Variants in NKD2 observed in about 807,000 individuals in gnomAD.
NKD2 encodes the protein NKD inhibitor of Wnt signaling pathway 2.
A neutral mutation model predicts 34.8 loss-of-function variants in NKD2; 43 were observed. The ratio of observed to expected loss-of-function variants is 1.24; its 90% CI spans 0.97 to 1.60. The LOEUF (loss-of-function observed/expected upper bound fraction) is 1.60, where lower values mean the gene tolerates loss of function less well. NKD2 is among the 40% of genes most tolerant of loss of function. The pLI, the probability that NKD2 is intolerant of heterozygous loss-of-function variation, is 0.00. For missense variants in NKD2, 675 were observed against 627.1 expected, an observed-to-expected ratio of 1.08 and a Z score of -0.82; for synonymous variants, 278 against 265.1, an observed-to-expected ratio of 1.05 and a Z score of -0.47.
At chr5:1,033,950 C>T (rs1437699203) in intron 5 of NKD2, among the ~76,000 whole-genome samples, 1 of 152,238 alleles carries the variant, frequency 6.6e-6, no homozygotes, top group Admixed American at 6.5e-5. Flanking sequence ...TCCTCTTCTC[C>T]TTCTGGGTGA....
intron 3 of NKD2, among the ~76,000 whole-genome samples, chr5:1,018,571 AGG>A (rs1670241543): frequency 3.0e-5 from 4 of 131,966 alleles, no homozygotes; most frequent in African/African-American, 1.5e-4. Context: ...AGGGCGACTC[AGG>A]GGCTTGTGCT....
At position 1,036,322 on chromosome 5, in the gene NKD2, A is replaced by G; in HGVS notation, c.725A>G (p.Glu242Gly). Reference protein sequence around the residue: ...RGPYCVDENTERRNHYLDLAG... With the variant: ...RGPYCVDENTGRRNHYLDLAG... ...CCCTACTGCGTGGACGAGAACACGG[A>G]GCGCAGAAACCACTACCTGGACCTC... Residue 242 changes from glutamate (E) to glycine (G), a missense_variant, in exon 9 of 10, where the codon GAG (glutamate) becomes GGG (glycine). By Grantham distance (98) the Glu-to-Gly change is moderately conservative. Transcript: ENST00000296849. 6.2e-7 allele frequency: 1 copy of G among 1,612,886 alleles called. No individual in the cohort carries two copies. The highest frequency in any genetic ancestry group is 8.5e-7 in the Non-Finnish European group (1 of 1,179,840).
intron 7 of NKD2, 142 bp from the exon 8 acceptor site, chr5:1,035,243 TGAAC>T: frequency 2.8e-6 from 2 of 702,768 alleles, no homozygotes; most frequent in East Asian, 5.5e-5. Flanking sequence ...AATGAATGAG[TGAAC>T]AAGTGAGTGA....
intron 3 of NKD2, among the ~76,000 whole-genome samples, chr5:1,016,428 A>AGG (rs1054240803): frequency 1.6e-3 from 247 of 152,332 alleles, no homozygotes; most frequent in African/African-American, 4.9e-3. Flanking sequence ...TGGCAGCTGG[A>AGG]GGGGGAGGGT....
chr5:1,028,262 G>A (rs796566015), intron 3 of NKD2, among the ~76,000 whole-genome samples: 1 of 152,282 alleles, frequency 6.6e-6, no homozygotes, highest in Non-Finnish European at 1.5e-5. Flanking sequence ...AGACCAGGGT[G>A]GCCTTCCTGA....
chr5:1,036,796 A>G (rs745462280), intron 9 of NKD2: 35 of 461,974 alleles, frequency 7.6e-5, no homozygotes, highest in African/African-American at 6.4e-4. Flanking sequence ...GGCAGTGTGG[A>G]CAACAGGCAG....
intron 9 of NKD2, chr5:1,036,766 G>A (rs1480348719): frequency 4.0e-5 from 19 of 473,520 alleles, no homozygotes; most frequent in Admixed American, 2.8e-4. Context: ...AGAGGGGGTC[G>A]TCCAGTAGTG....
chr5:1,035,260 T>G (rs1560999459), intron 7 of NKD2, 129 bp from the exon 8 acceptor site: 1 of 758,630 alleles, frequency 1.3e-6, no homozygotes, highest in South Asian at 1.7e-5. Flanking sequence ...GTGAGTGAGT[T>G]AATGAATGAG....
intron 7 of NKD2, among the ~76,000 whole-genome samples, chr5:1,035,184 GAGTT>G (rs367819838): frequency 2.6e-5 from 4 of 151,928 alleles, no homozygotes; most frequent in African/African-American, 7.3e-5. Context: ...ATGAATGAGT[GAGTT>G]AATGAGTGAA....
intron 3 of NKD2, among the ~76,000 whole-genome samples, chr5:1,020,621 C>T (rs893115594): frequency 1.3e-5 from 2 of 150,816 alleles, no homozygotes; most frequent in Non-Finnish European, 2.9e-5. Context: ...GAGGGAAGCT[C>T]GGCTGCCTGG....
At chr5:1,027,030 G>A (rs1292825236) in intron 3 of NKD2, among the ~76,000 whole-genome samples, 1 of 152,262 alleles carries the variant, frequency 6.6e-6, no homozygotes, top group Non-Finnish European at 1.5e-5. Context: ...GGCCACAGGG[G>A]TGGTGACAAT....
At chr5:1,027,330 C>T (rs1378442823) in intron 3 of NKD2, among the ~76,000 whole-genome samples, 1 of 152,222 alleles carries the variant, frequency 6.6e-6, no homozygotes, top group Non-Finnish European at 1.5e-5. Flanking sequence ...AGGAGAGGCC[C>T]GTCCTGTGTC....
At chr5:1,034,181 G>C (rs1279552640) in intron 5 of NKD2, 54 bp from the exon 6 acceptor site, 16 of 1,271,034 alleles carry the variant, frequency 1.3e-5, no homozygotes, top group Admixed American at 1.9e-5. Flanking sequence ...CTGTGGAGTT[G>C]GGCGTGTTGG....
chr5:1,021,976 C>CCTGGCCTCCTTCCCTGTTTCCTG (rs1756209971), intron 3 of NKD2, among the ~76,000 whole-genome samples: 1 of 152,196 alleles, frequency 6.6e-6, no homozygotes, highest in African/African-American at 2.4e-5. Context: ...GCGACCAACC[C>CCTGGCCTCCTTCCCTGTTTCCTG]CTGGCCTCCT....
chr5:1,012,357 G>C (rs922019773), intron 3 of NKD2, among the ~76,000 whole-genome samples: 3 of 152,258 alleles, frequency 2.0e-5, no homozygotes, highest in Admixed American at 6.5e-5. Flanking sequence ...GCCCTGGCCT[G>C]CACGGGGGGC....
At chr5:1,028,041 A>G (rs1316362552) in intron 3 of NKD2, among the ~76,000 whole-genome samples, 3 of 151,970 alleles carry the variant, frequency 2.0e-5, no homozygotes, top group Non-Finnish European at 4.4e-5. Context: ...TGACTTTTCC[A>G]AGGAAGCTGG....
chr5:1,031,620 T>G (rs553143260), intron 3 of NKD2, among the ~76,000 whole-genome samples: 1 of 152,198 alleles, frequency 6.6e-6, no homozygotes, highest in South Asian at 2.1e-4. Flanking sequence ...ATGAGAACCA[T>G]GTGAGCTTCG....
intron 3 of NKD2, among the ~76,000 whole-genome samples, chr5:1,012,249 T>C (rs1425440957): frequency 1.3e-5 from 2 of 152,246 alleles, no homozygotes; most frequent in Admixed American, 6.5e-5. Flanking sequence ...CAGGCTTCCA[T>C]GAAGTAGTGC....
chr5:1,035,399 C>T lies in NKD2; in HGVS notation c.585C>T (p.Pro195=). 1 of 1,558,184 alleles carries T rather than the reference C, an allele frequency of 6.4e-7. No homozygotes were observed. Among genetic ancestry groups the T allele is most frequent in the South Asian group, 1.2e-5 (1 of 84,410 alleles). ...GGACCCCCCTTTCAGACCGGGAGCC[C>T]ACCCGTTGCAGGATGGAGGGTGAAC... The part of the protein sequence containing the change: ...EGPPAGQDRE[P]TRCRMEGELA... Residue 195 remains proline, a synonymous_variant, in exon 8 of 10, where the codon CCC becomes CCT. Transcript: ENST00000296849.
Sources: allele counts gnomAD v4.1 joint callset (sites outside exome capture counted in the v4.1 genomes callset), GRCh38; gene constraint gnomAD v4.1.1; transcripts MANE v1.5; gene names NCBI Gene and HGNC (gene_info 2026-07-23, HGNC 2026-07-21).